Variants in GRIK2 observed in about 807,000 individuals in gnomAD.
GRIK2 encodes the protein glutamate receptor ionotropic, kainate 2.
A neutral mutation model predicts 100.3 loss-of-function variants in GRIK2; 32 were observed. The ratio of observed to expected loss-of-function variants is 0.32; its 90% CI spans 0.24 to 0.43. The LOEUF is 0.43. Ranked by LOEUF, GRIK2 falls within the 20% of genes least tolerant of loss-of-function variation. GRIK2 has a pLI of 1.00. For synonymous variants in GRIK2, 417 were observed against 389.4 expected (o/e 1.07, Z -0.83); for missense variants, 843 against 1,114.9 (o/e 0.76, Z 3.47).
At chr6:101,403,240 A>C (rs1775422306) in intron 2 of GRIK2, among the ~76,000 whole-genome samples, 1 of 152,214 alleles carries the variant, frequency 6.6e-6, no homozygotes, top group South Asian at 2.1e-4. Context: ...ACATCAACCC[A>C]AACTTAGGCT....
intron 2 of GRIK2, among the ~76,000 whole-genome samples, chr6:101,427,978 A>T (rs1193463488): frequency 6.6e-6 from 1 of 152,184 alleles, no homozygotes; most frequent in Admixed American, 6.5e-5. Context: ...TAACCTTCAG[A>T]TGTATGTACT....
intron 14 of GRIK2, among the ~76,000 whole-genome samples, chr6:101,947,032 A>G (rs1345214599): frequency 6.6e-6 from 1 of 152,152 alleles, no homozygotes; most frequent in Non-Finnish European, 1.5e-5. Flanking sequence ...AAACTTTTAA[A>G]AAGATTTACA....
chr6:101,695,508 C>T (rs1207403898), intron 7 of GRIK2, among the ~76,000 whole-genome samples: 1 of 152,054 alleles, frequency 6.6e-6, no homozygotes, highest in Non-Finnish European at 1.5e-5. Flanking sequence ...TCTATTTAAT[C>T]ATATTCATAC....
intron 2 of GRIK2, among the ~76,000 whole-genome samples, chr6:101,565,849 A>G (rs1777228197): frequency 2.0e-5 from 3 of 149,756 alleles, no homozygotes. Context: ...CAGTAGATTA[A>G]CACATATTTT....
chr6:101,520,462 C>T (rs1023294350), intron 2 of GRIK2, among the ~76,000 whole-genome samples: 10 of 151,388 alleles, frequency 6.6e-5, no homozygotes, highest in African/African-American at 2.2e-4. Context: ...TAATAAACAG[C>T]CATTATGCAT....
chr6:101,897,063 G>C (rs953255391), intron 12 of GRIK2, among the ~76,000 whole-genome samples: 3 of 150,814 alleles, frequency 2.0e-5, no homozygotes, highest in Admixed American at 6.6e-5. Flanking sequence ...CATCTGATAA[G>C]AGCAGCACAC....
At chr6:101,463,836 A>T (rs1771472321) in intron 2 of GRIK2, among the ~76,000 whole-genome samples, 1 of 88,736 alleles carries the variant, frequency 1.1e-5, no homozygotes, top group Non-Finnish European at 3.0e-5. Flanking sequence ...ATTGGTAATT[A>T]AAAAAAAAAA....
intron 15 of GRIK2, among the ~76,000 whole-genome samples, chr6:102,045,081 C>T (rs1340960451): frequency 6.6e-6 from 1 of 151,994 alleles, no homozygotes; most frequent in African/African-American, 2.4e-5. Flanking sequence ...TACTGTCTCA[C>T]TATTGTTGAG....
chr6:101,551,757 A>G (rs1776520851), intron 2 of GRIK2, among the ~76,000 whole-genome samples: 1 of 152,132 alleles, frequency 6.6e-6, no homozygotes, highest in Non-Finnish European at 1.5e-5. Context: ...TTATGCCTAT[A>G]TATGTTAATT....
chr6:101,960,170 T>C (rs1451734356), intron 14 of GRIK2, among the ~76,000 whole-genome samples: 1 of 151,052 alleles, frequency 6.6e-6, no homozygotes, highest in Non-Finnish European at 1.5e-5. Context: ...ATTATTTCAA[T>C]AATTTTTTTT....
intron 14 of GRIK2, among the ~76,000 whole-genome samples, chr6:101,950,637 C>T (rs1192643065): frequency 6.6e-6 from 1 of 152,278 alleles, no homozygotes; most frequent in East Asian, 1.9e-4. Flanking sequence ...ACAGTCTTCC[C>T]TGCCCACTAC....
chr6:101,480,132 C>G (rs929545703), intron 2 of GRIK2, among the ~76,000 whole-genome samples: 1 of 152,130 alleles, frequency 6.6e-6, no homozygotes, highest in African/African-American at 2.4e-5. Flanking sequence ...TTCATTCTAT[C>G]AAAGCATTTC....
rs201500488 is a variant in GRIK2 at position 102,035,581 on chromosome 6, A to G, written c.2311+15A>G. The G allele has an allele frequency of 1.1e-4, 154 of 1,396,838 alleles. No individual in the cohort carries two copies. The highest frequency in any genetic ancestry group is 1.5e-4 in the Non-Finnish European group (151 of 984,934). The allele number at this position is 1,396,838 out of a possible 1,614,324, so 86.5% of individuals were successfully genotyped here. The stretch of plus-strand genomic sequence containing the variant: ...CACTCCCATGGGTAGGTTATATGTC[A>G]GCTCTTTGTTCTTTGTTCATTAATC... On this transcript the variant is annotated intron_variant, in intron 15 of 16. Transcript: ENST00000369134.
intron 14 of GRIK2, among the ~76,000 whole-genome samples, chr6:102,013,507 G>A (rs1582722839): frequency 6.6e-6 from 1 of 152,082 alleles, no homozygotes; most frequent in Admixed American, 6.5e-5. Flanking sequence ...TCCTTGCCTT[G>A]AGCCAGTTTT....
chr6:101,595,706 G>GTATATATATATATATATA (rs1417393124), intron 2 of GRIK2, among the ~76,000 whole-genome samples: 22 of 125,404 alleles, frequency 1.8e-4, no homozygotes, highest in African/African-American at 6.0e-4. Flanking sequence ...ATATGTGTGT[G>GTATATATATATATATATA]TGTGTGTGTG....
At chr6:101,997,410 T>G (rs1362947378) in intron 14 of GRIK2, among the ~76,000 whole-genome samples, 1 of 152,084 alleles carries the variant, frequency 6.6e-6, no homozygotes, top group Non-Finnish European at 1.5e-5. Flanking sequence ...ACTTTTAATA[T>G]GCATCTTTGG....
chr6:101,723,867 G>A (rs1774667705), intron 7 of GRIK2, among the ~76,000 whole-genome samples: 2 of 151,940 alleles, frequency 1.3e-5, no homozygotes, highest in African/African-American at 2.4e-5. Context: ...CAAAGATAAT[G>A]TTAACATATG....
intron 2 of GRIK2, among the ~76,000 whole-genome samples, chr6:101,508,494 A>G (rs923815137): frequency 2.6e-5 from 4 of 152,086 alleles, no homozygotes; most frequent in African/African-American, 4.8e-5. Context: ...TATAGAAAAT[A>G]TTGATTTTTT....
At position 101,448,624 on chromosome 6, in the gene GRIK2, TGG is replaced by T. The variant is rs774276397; in HGVS notation, c.115+49233_115+49234del. Among the ~76,000 whole-genome samples the T allele has an allele frequency of 6.4e-4, 97 of 151,744 alleles. 1 individual carries two copies. The highest frequency in any genetic ancestry group is 1.0e-3 in the Non-Finnish European group (70 of 67,648). ...GGAATTCTAACAAAAATGATGTTTCTGGTTGATGAGCCATTTTGAAGCATGAG... is the reference window on the plus strand; with the variant it reads ...GGAATTCTAACAAAAATGATGTTTCTTTGATGAGCCATTTTGAAGCATGAG... On this transcript the variant is annotated intron_variant, in intron 2 of 16. Coordinates refer to ENST00000369134, the MANE Select transcript of GRIK2 (RefSeq NM_021956.5).
Sources: gnomAD v4.1 joint callset for allele counts (sites outside exome capture counted in the v4.1 genomes callset) on GRCh38, gnomAD v4.1.1 for gene constraint, MANE v1.5 for transcripts, NCBI Gene and HGNC (gene_info 2026-07-23, HGNC 2026-07-21) for gene names.